The following SLC17A4 variants were observed in gnomAD, a reference collection of about 807,000 sequenced individuals.
SLC17A4 encodes probable small intestine urate exporter.
SLC17A4 carries 33 observed loss-of-function variants against 52.5 expected under a neutral mutation model. That is an observed-to-expected ratio of 0.63 (90% CI 0.48 to 0.84). The LOEUF is 0.84. SLC17A4 is among the 40% of genes least tolerant of loss of function. SLC17A4 has a pLI of 0.00. For missense variants in SLC17A4, 585 were observed against 597.1 expected, an observed-to-expected ratio of 0.98 and a Z score of 0.21; for synonymous variants, 225 against 216.2, an observed-to-expected ratio of 1.04 and a Z score of -0.36.
rs1041439361 is a variant in SLC17A4, at chr6:25,773,642, A to G, written c.955A>G (p.Ile319Val). ...YTIMAYTPTY[I>V]SSVLQANLRD... Reference sequence around the variant, plus strand: ...CATTATGGCGTACACACCAACGTACATCAGCTCGGTACTTCAAGCCAACCT... The same window carrying G: ...CATTATGGCGTACACACCAACGTACGTCAGCTCGGTACTTCAAGCCAACCT... Residue 319 changes from isoleucine to valine, a missense_variant, in exon 8 of 12, where the codon ATC (isoleucine) becomes GTC (valine). By Grantham distance (29) the Ile-to-Val change is conservative (BLOSUM62 3). Coordinates refer to ENST00000377905, the MANE Select transcript of SLC17A4 (RefSeq NM_005495.3). The G allele has an allele frequency of 8.1e-6, 13 of 1,613,706 alleles. No homozygotes were observed. The East Asian group carries it at 1.6e-4, about 19-fold the overall frequency.
intron 8 of SLC17A4, 84 bp downstream of exon 8, chr6:25,773,758 T>G: frequency 6.9e-7 from 1 of 1,453,392 alleles, no homozygotes; most frequent in Non-Finnish European, 9.3e-7. Flanking sequence ...GTCTGTCCCA[T>G]AGTCACAAAA....
intron 2 of SLC17A4, among the ~76,000 whole-genome samples, chr6:25,763,959 C>T (rs1201983712): frequency 2.0e-5 from 3 of 152,154 alleles, no homozygotes; most frequent in Non-Finnish European, 4.4e-5. Flanking sequence ...CTGGAAGATT[C>T]CACAAACGTT....
At chr6:25,770,856 C>A in intron 5 of SLC17A4, 70 bp from the exon 6 acceptor site, 1 of 1,193,152 alleles carries the variant, frequency 8.4e-7, no homozygotes, top group Non-Finnish European at 1.3e-6. Context: ...TGCAACTCAG[C>A]ATTGTAGAAA....
At chr6:25,761,809 A>G in intron 1 of SLC17A4, 118 bp from the exon 2 acceptor site, 1 of 597,070 alleles carries the variant, frequency 1.7e-6, no homozygotes, top group Admixed American at 3.5e-5. Context: ...TAGTTTTCAT[A>G]AACCCTAATC....
At chr6:25,760,922 C>T (rs778017802) in intron 1 of SLC17A4, among the ~76,000 whole-genome samples, 3 of 152,034 alleles carry the variant, frequency 2.0e-5, no homozygotes, top group Admixed American at 1.3e-4. Context: ...TTTGGAAGTT[C>T]GCAGTAGTTT....
At chr6:25,775,095 T>C (rs1762790044) in intron 8 of SLC17A4, among the ~76,000 whole-genome samples, 1 of 152,174 alleles carries the variant, frequency 6.6e-6, no homozygotes, top group Non-Finnish European at 1.5e-5. Flanking sequence ...TTTGGGAGGA[T>C]GAGGCAGGTG....
intron 5 of SLC17A4, 97 bp downstream of exon 5, chr6:25,770,568 G>A: frequency 9.1e-7 from 1 of 1,096,112 alleles, no homozygotes; most frequent in Non-Finnish European, 1.4e-6. Flanking sequence ...CAATCTCTGT[G>A]TCTTCATAGT....
chr6:25,773,577 T>C lies in SLC17A4; in HGVS notation c.890T>C (p.Ile297Thr). The change falls in exon 8 of 12, where the codon ATT becomes ACT. Residue 297 changes from isoleucine (I) to threonine (T), a missense_variant. Coordinates refer to ENST00000377905, the MANE Select transcript of SLC17A4 (RefSeq NM_005495.3). ...AMIKSLPLWA[I>T]LVSYFCEYWL... ...ATCAAATCCTTACCACTCTGGGCCA[T>C]TTTAGTCTCTTATTTCTGTGAATAC... 1 of 1,613,926 alleles carries C rather than the reference T, an allele frequency of 6.2e-7. No homozygotes were observed. Among genetic ancestry groups the C allele is most frequent in the South Asian group, 1.1e-5 (1 of 91,064 alleles).
intron 1 of SLC17A4, among the ~76,000 whole-genome samples, chr6:25,761,262 G>T (rs1343208309): frequency 4.6e-5 from 7 of 152,188 alleles, no homozygotes; most frequent in Non-Finnish European, 7.3e-5. Context: ...AAGGGGAAGA[G>T]CCTCTGTAAC....
intron 8 of SLC17A4, 92 bp from the exon 9 acceptor site, chr6:25,776,503 A>G: frequency 6.8e-7 from 1 of 1,472,652 alleles, no homozygotes; most frequent in Non-Finnish European, 9.1e-7. Context: ...ATATAAAGAA[A>G]AGCCACAAAT....
rs1377303426 is a variant in SLC17A4 at position 25,770,982 on chromosome 6, A to G, written c.676A>G (p.Ile226Val). 2 of 1,613,774 alleles carry G rather than the reference A, an allele frequency of 1.2e-6. No individual in the cohort carries two copies. Among genetic ancestry groups the G allele is most frequent in the East Asian group, 2.2e-5 (1 of 44,870 alleles). The change falls in exon 6 of 12, where the codon ATA becomes GTA. Residue 226 changes from isoleucine to valine, a missense_variant. By Grantham distance (29) the Ile-to-Val change is conservative (BLOSUM62 3). Coordinates refer to ENST00000377905, the MANE Select transcript of SLC17A4 (RefSeq NM_005495.3). ...LLAGGLLCQT[I>V]GWPYVFYIFG... is the part of the protein sequence containing the mutation. ...TGCTGGTGGTCTCCTCTGCCAGACC[A>G]TAGGATGGCCTTACGTCTTCTATAT...
At chr6:25,772,799 G>A (rs547874830) in intron 6 of SLC17A4, among the ~76,000 whole-genome samples, 20 of 152,188 alleles carry the variant, frequency 1.3e-4, no homozygotes, top group African/African-American at 2.9e-4. Flanking sequence ...TTTCAAGCAC[G>A]TGGGGCAAAC....
At chr6:25,760,788 C>G (rs1761465515) in intron 1 of SLC17A4, among the ~76,000 whole-genome samples, 1 of 151,944 alleles carries the variant, frequency 6.6e-6, no homozygotes, top group Non-Finnish European at 1.5e-5. Context: ...TTTTGTATTT[C>G]AAGTAGTATC....
chr6:25,778,051 G>T lies in SLC17A4; in HGVS notation c.1359+35G>T, dbSNP rs756180563. ...AATGTTCTGATGAATATTCATAAAA[G>T]AAACCTATAGAGGCATGGTTTTTTC... On this transcript the variant is annotated intron_variant, in intron 11 of 11. Coordinates refer to ENST00000377905, the MANE Select transcript of SLC17A4 (RefSeq NM_005495.3). 18 of 1,244,314 alleles carry T rather than the reference G, an allele frequency of 1.4e-5. No individual in the cohort carries two copies. The South Asian group carries it at 2.3e-4, about 16-fold the overall frequency. 77.1% of individuals were successfully genotyped at this position (1,244,314 alleles called of 1,614,324 possible).
intron 1 of SLC17A4, among the ~76,000 whole-genome samples, chr6:25,759,004 G>T (rs565093268): frequency 6.6e-6 from 1 of 152,204 alleles, no homozygotes; most frequent in South Asian, 2.1e-4. Flanking sequence ...TGTCACGGTT[G>T]TCGTTCAGTT....
rs1763239301 is a variant in SLC17A4, at chr6:25,780,441, G to C, written c.*1253G>C. The stretch of plus-strand genomic sequence containing the variant: ...AGTTTCAGCTGAGCTGGGATCTGAA[G>C]GATAATAGTTAACTGTTGTGGGAGA... On this transcript the variant is annotated 3_prime_UTR_variant, in exon 12 of 12. Transcript: ENST00000377905. The C allele has an allele frequency of 6.6e-6, 1 of 152,154 alleles. No individual in the cohort carries two copies. Among genetic ancestry groups the C allele is most frequent in the South Asian group, 2.1e-4 (1 of 4,822 alleles). The allele number at this position is 152,154 out of a possible 1,614,324, so 9.4% of individuals were successfully genotyped here. A position where few individuals can be genotyped will look rare whatever the true frequency, so the allele number is the denominator to read the frequency against.
intron 1 of SLC17A4, among the ~76,000 whole-genome samples, chr6:25,760,087 C>A (rs749616881): frequency 5.3e-5 from 8 of 152,188 alleles, no homozygotes; most frequent in Non-Finnish European, 1.2e-4. Flanking sequence ...CATTTCCCCA[C>A]ATTTTTGCCT....
chr6:25,768,915 T>C (rs1762245446), intron 2 of SLC17A4, 70 bp from the exon 3 acceptor site: 2 of 1,385,774 alleles, frequency 1.4e-6, no homozygotes, highest in Non-Finnish European at 2.0e-6. Context: ...AATCTTCTCC[T>C]TCTTCCAGAC....
chr6:25,777,862 G>T (rs898597019), intron 10 of SLC17A4, 64 bp from the exon 11 acceptor site: 4 of 1,351,300 alleles, frequency 3.0e-6, no homozygotes, highest in African/African-American at 1.4e-5. Context: ...TCCCTCTCCC[G>T]GGTATTGAGA....
Sources: gnomAD v4.1 joint callset for allele counts (sites outside exome capture counted in the v4.1 genomes callset) on GRCh38, gnomAD v4.1.1 for gene constraint, MANE v1.5 for transcripts, NCBI Gene and HGNC (gene_info 2026-07-23, HGNC 2026-07-21) for gene names.